Variants in GRID2 observed in about 807,000 individuals in gnomAD.
GRID2 encodes glutamate ionotropic receptor delta type subunit 2.
GRID2 carries 33 observed loss-of-function variants against 114.8 expected under a neutral mutation model. That is an observed-to-expected ratio of 0.29 (90% CI 0.22 to 0.38). The LOEUF (loss-of-function observed/expected upper bound fraction) is 0.38, where lower values mean the gene tolerates loss of function less well. Among genes scored for constraint, GRID2 ranks in the 10% least tolerant of loss-of-function variants. The pLI is 1.00. For missense variants in GRID2, 1,184 were observed against 1,257.7 expected (o/e 0.94, Z 0.89); for synonymous variants, 505 against 449.9 (o/e 1.12, Z -1.55).
At chr4:92,492,191 T>C (rs897247042) in intron 1 of GRID2, among the ~76,000 whole-genome samples, 1 of 152,218 alleles carries the variant, frequency 6.6e-6, no homozygotes, top group Non-Finnish European at 1.5e-5. Flanking sequence ...AGGGATCTTA[T>C]TAAAACTGTT....
At chr4:92,395,633 C>T (rs1730457346) in intron 1 of GRID2, among the ~76,000 whole-genome samples, 1 of 151,700 alleles carries the variant, frequency 6.6e-6, no homozygotes, top group Admixed American at 6.6e-5. Context: ...TAGCTGTTGG[C>T]ACTATCTATC....
At chr4:93,781,959 C>T (rs967137109) in intron 1 of GRID2, among the ~76,000 whole-genome samples, 9 of 152,124 alleles carry the variant, frequency 5.9e-5, no homozygotes, top group Non-Finnish European at 1.2e-4. Context: ...TTTCTGAGGC[C>T]TATCATAGCA....
In GRID2 at chr4:92,473,673, T is replaced by G. The variant is rs560783790; in HGVS notation, c.89-116458T>G. 5.3e-5 allele frequency among the ~76,000 whole-genome samples: 8 copies of G among 152,196 alleles called. No homozygotes were observed. In the South Asian group the frequency reaches 1.7e-3, roughly 32 times the overall value. ...TTCTTTATGAATTTGAAAAGAAATA[T>G]GTGTTCAGCTGTTGTTAGCTATCGC... On this transcript the variant is annotated intron_variant, in intron 1 of 15. Coordinates refer to ENST00000282020, the MANE Select transcript of GRID2 (RefSeq NM_001510.4).
chr4:92,875,771 ATAGT>A lies in GRID2; in HGVS notation c.245-209221_245-209218del, dbSNP rs1745584783. On this transcript the variant is annotated intron_variant, in intron 2 of 15. Coordinates refer to ENST00000282020, the MANE Select transcript of GRID2 (RefSeq NM_001510.4). ...TTATTCTAAATCATGCAGTTTTAGG[ATAGT>A]TAATTAAATTTGAAAGCAAATACCA... Among the ~76,000 whole-genome samples the A allele has an allele frequency of 2.6e-5, 4 of 152,296 alleles. 1 individual carries two copies. The South Asian group carries it at 8.3e-4, about 32-fold the overall frequency.
intron 13 of GRID2, among the ~76,000 whole-genome samples, chr4:93,575,708 A>G (rs1736358585): frequency 6.6e-6 from 1 of 152,186 alleles, no homozygotes; most frequent in Non-Finnish European, 1.5e-5. Flanking sequence ...TGATATAAAG[A>G]TAGCCTGATG....
At chr4:93,519,246 CAT>C (rs1339484538) in intron 13 of GRID2, among the ~76,000 whole-genome samples, 2 of 152,054 alleles carry the variant, frequency 1.3e-5, no homozygotes, top group African/African-American at 4.8e-5. Context: ...TTTGGCAAAT[CAT>C]ATGACTATTG....
At chr4:92,669,740 T>C (rs1208204976) in intron 2 of GRID2, among the ~76,000 whole-genome samples, 1 of 152,062 alleles carries the variant, frequency 6.6e-6, no homozygotes, top group Non-Finnish European at 1.5e-5. Context: ...ATAAGGAATA[T>C]AATTTTACTT....
chr4:92,590,121 T>C lies in GRID2; in HGVS notation c.89-10T>C. 6.3e-7 allele frequency: 1 copy of C among 1,598,182 alleles called. No homozygotes were observed. Among genetic ancestry groups the C allele is most frequent in the Non-Finnish European group, 8.6e-7 (1 of 1,166,084 alleles). ...GTTATTATTTAATGGCAAAATTCAC[T>C]TCTTTCTAGGAGCAATTTTTGATGA... On this transcript the variant is annotated splice_polypyrimidine_tract_variant and intron_variant, in intron 1 of 15. Coordinates refer to ENST00000282020, the MANE Select transcript of GRID2 (RefSeq NM_001510.4).
At chr4:92,640,125 T>C (rs1464510852) in intron 2 of GRID2, among the ~76,000 whole-genome samples, 2 of 151,750 alleles carry the variant, frequency 1.3e-5, no homozygotes, top group Admixed American at 1.3e-4. Flanking sequence ...TTTTAGAATA[T>C]TGTTTTTCTT....
chr4:93,104,551 T>C (rs1233381985), intron 3 of GRID2, among the ~76,000 whole-genome samples: 1 of 151,368 alleles, frequency 6.6e-6, no homozygotes, highest in Non-Finnish European at 1.5e-5. Context: ...AGTGAGAACA[T>C]GCGGTGTTTG....
intron 2 of GRID2, among the ~76,000 whole-genome samples, chr4:92,934,730 A>G (rs1347487760): frequency 1.4e-5 from 2 of 146,288 alleles, no homozygotes; most frequent in African/African-American, 4.9e-5. Context: ...CAGAAATAAC[A>G]CTGCATGTCT....
At chr4:92,852,665 A>G (rs1043469971) in intron 2 of GRID2, among the ~76,000 whole-genome samples, 2 of 151,794 alleles carry the variant, frequency 1.3e-5, no homozygotes, top group African/African-American at 4.8e-5. Context: ...TCCATTAACC[A>G]TGCCCTCCTT....
intron 4 of GRID2, among the ~76,000 whole-genome samples, chr4:93,189,809 ACACAC>A (rs1740804397): frequency 6.7e-6 from 1 of 149,340 alleles, no homozygotes; most frequent in Non-Finnish European, 1.5e-5. Flanking sequence ...ACACACACAC[ACACAC>A]AAATCTCATC....
At chr4:93,751,815 C>A (rs115569679) in intron 14 of GRID2, among the ~76,000 whole-genome samples, 2 of 152,276 alleles carry the variant, frequency 1.3e-5, no homozygotes, top group Non-Finnish European at 1.5e-5. Context: ...AGGCCTGTAA[C>A]CCGGCTTGCC....
At chr4:92,530,411 G>A (rs79378791) in intron 1 of GRID2, among the ~76,000 whole-genome samples, 3,647 of 147,900 alleles carry the variant, frequency 0.025, 160 homozygotes, top group African/African-American at 0.086. Context: ...TCACCCTAAC[G>A]TTTTCAAGAC....
chr4:93,145,321 A>G (rs909799264), intron 4 of GRID2, among the ~76,000 whole-genome samples: 13 of 152,158 alleles, frequency 8.5e-5, no homozygotes, highest in Non-Finnish European at 1.0e-4. Flanking sequence ...TCTAACACAT[A>G]CTAGGTATTC....
intron 13 of GRID2, among the ~76,000 whole-genome samples, chr4:93,574,456 G>T (rs527574125): frequency 3.3e-5 from 5 of 152,300 alleles, no homozygotes; most frequent in African/African-American, 1.2e-4. Context: ...AAAAGAAAGA[G>T]GTTTAATTGG....
At chr4:93,019,191 G>A (rs1723044209) in intron 2 of GRID2, among the ~76,000 whole-genome samples, 1 of 152,062 alleles carries the variant, frequency 6.6e-6, no homozygotes, top group South Asian at 2.1e-4. Context: ...AATTATGTCA[G>A]TGTTCCTACA....
At chr4:92,804,406 G>T (rs1740315867) in intron 2 of GRID2, among the ~76,000 whole-genome samples, 1 of 151,784 alleles carries the variant, frequency 6.6e-6, no homozygotes, top group African/African-American at 2.4e-5. Context: ...ATGAATACTG[G>T]CAATTTATGA....
Sources: allele counts gnomAD v4.1 joint callset (sites outside exome capture counted in the v4.1 genomes callset), GRCh38; gene constraint gnomAD v4.1.1; transcripts MANE v1.5; gene names NCBI Gene and HGNC (gene_info 2026-07-23, HGNC 2026-07-21).